KIAA0319L: variants seen among roughly 807,000 people sequenced by gnomAD.
KIAA0319L encodes dyslexia-associated protein KIAA0319-like protein.
A neutral mutation model predicts 120.1 loss-of-function variants in KIAA0319L; 55 were observed. The ratio of observed to expected loss-of-function variants is 0.46; its 90% CI spans 0.37 to 0.57. The LOEUF (loss-of-function observed/expected upper bound fraction) is 0.57, where lower values mean the gene tolerates loss of function less well. Ranked by LOEUF, KIAA0319L falls within the 20% of genes least tolerant of loss-of-function variation. KIAA0319L has a pLI of 0.00. For synonymous variants in KIAA0319L, 398 were observed against 471.9 expected, an observed-to-expected ratio of 0.84 and a Z score of 2.03; for missense variants, 1,049 against 1,255.3, an observed-to-expected ratio of 0.84 and a Z score of 2.48.
chr1:35,528,785 G>A (rs901649273), intron 2 of KIAA0319L, among the ~76,000 whole-genome samples: 2 of 152,162 alleles, frequency 1.3e-5, no homozygotes, highest in East Asian at 1.9e-4. Flanking sequence ...GTGAACTGGT[G>A]TTGGGTGTAT....
intron 2 of KIAA0319L, among the ~76,000 whole-genome samples, chr1:35,521,619 G>A (rs1256081467): frequency 6.6e-6 from 1 of 151,072 alleles, no homozygotes; most frequent in African/African-American, 2.4e-5. Flanking sequence ...GGGTGACGGA[G>A]AGAGACTCCG....
chr1:35,475,598 C>T (rs1643877138), intron 4 of KIAA0319L, among the ~76,000 whole-genome samples: 2 of 152,146 alleles, frequency 1.3e-5, no homozygotes, highest in African/African-American at 4.8e-5. Flanking sequence ...ACCTCAACCT[C>T]CCAAGTAGCT....
intron 3 of KIAA0319L, among the ~76,000 whole-genome samples, chr1:35,483,421 G>A (rs1168551516): frequency 6.6e-6 from 1 of 152,116 alleles, no homozygotes; most frequent in Admixed American, 6.5e-5. Context: ...TTTTCCTCTA[G>A]AGGTAAGGGT....
At chr1:35,511,963 T>C (rs1459520701) in intron 2 of KIAA0319L, among the ~76,000 whole-genome samples, 1 of 152,054 alleles carries the variant, frequency 6.6e-6, no homozygotes, top group East Asian at 1.9e-4. Context: ...TGTCCACATA[T>C]ATTACCTGGA....
intron 7 of KIAA0319L, among the ~76,000 whole-genome samples, chr1:35,463,899 T>C (rs1054872300): frequency 2.0e-5 from 3 of 152,158 alleles, no homozygotes; most frequent in African/African-American, 7.2e-5. Flanking sequence ...GATCTGATGG[T>C]GTTAAAAACA....
rs1011109622 is a variant in KIAA0319L at position 35,433,606 on chromosome 1, A to G, written c.*1288T>C. The G allele has an allele frequency of 6.6e-6, 1 of 152,346 alleles. No homozygotes were observed. The highest frequency in any genetic ancestry group is 2.4e-5 in the African/African-American group (1 of 41,468). The allele number at this position is 152,346 out of a possible 1,614,324, so 9.4% of individuals were successfully genotyped here. A position where few individuals can be genotyped will look rare whatever the true frequency, so the allele number is the denominator to read the frequency against. Reference sequence around the variant, plus strand: ...AAAGTTTCCATTCCCCAATACCCAGATAACCATGGTGGAACAGGGCCAGGG... The same window carrying G: ...AAAGTTTCCATTCCCCAATACCCAGGTAACCATGGTGGAACAGGGCCAGGG... On this transcript the variant is annotated 3_prime_UTR_variant, in exon 21 of 21. Coordinates refer to ENST00000325722, the MANE Select transcript of KIAA0319L (RefSeq NM_024874.5).
chr1:35,516,544 C>A (rs1012425581), intron 2 of KIAA0319L, among the ~76,000 whole-genome samples: 1 of 152,174 alleles, frequency 6.6e-6, no homozygotes, highest in Non-Finnish European at 1.5e-5. Flanking sequence ...ATTGAAGGAA[C>A]ATACCTCAAA....
At chr1:35,457,407 C>T (rs1642555234) in intron 9 of KIAA0319L, among the ~76,000 whole-genome samples, 1 of 151,320 alleles carries the variant, frequency 6.6e-6, no homozygotes, top group East Asian at 1.9e-4. Flanking sequence ...ACCAGGAGGG[C>T]TGGCTCCAGT....
chr1:35,479,285 T>C (rs7545232), intron 3 of KIAA0319L, 73 bp from the exon 4 acceptor site: 99,101 of 1,252,682 alleles, frequency 0.079, 14,234 homozygotes, highest in East Asian at 0.56. Context: ...CATGAAACAA[T>C]AGTCTATTAA....
chr1:35,543,619 C>T (rs1391750490), intron 2 of KIAA0319L, among the ~76,000 whole-genome samples: 1 of 152,196 alleles, frequency 6.6e-6, no homozygotes, highest in African/African-American at 2.4e-5. Flanking sequence ...CTACAGCCCT[C>T]AAAGTAAGGG....
Position 35,450,358 on chromosome 1 carries a change from C to G in KIAA0319L, c.2214G>C (p.Gly738=). 6.2e-7 allele frequency: 1 copy of G among 1,612,664 alleles called. No homozygotes were observed. Among genetic ancestry groups the G allele is most frequent in the Non-Finnish European group, 8.5e-7 (1 of 1,179,308 alleles). ...WTRDEGSPAA[G]EVLNHSDHHP... is the part of the protein sequence containing the mutation. The stretch of plus-strand genomic sequence containing the variant: ...GCTCTCCAGCTCCTAGCACACTTAC[C>G]CCTGCTGCTGGGCTCCCCTCATCTC... The change falls in exon 14 of 21, where the codon GGG becomes GGC. Residue 738 remains glycine, a splice_region_variant and synonymous_variant. Transcript: ENST00000325722.
chr1:35,538,959 G>A (rs927743454), intron 2 of KIAA0319L, among the ~76,000 whole-genome samples: 4 of 151,758 alleles, frequency 2.6e-5, no homozygotes, highest in Admixed American at 6.6e-5. Flanking sequence ...GGAAACTGGC[G>A]TTTCCTTATC....
At chr1:35,549,326 A>G (rs1354063458) in intron 2 of KIAA0319L, among the ~76,000 whole-genome samples, 2 of 152,084 alleles carry the variant, frequency 1.3e-5, no homozygotes, top group African/African-American at 4.8e-5. Context: ...AGGATAAGCC[A>G]ATGCACCTGG....
intron 4 of KIAA0319L, among the ~76,000 whole-genome samples, chr1:35,476,489 C>T (rs891813317): frequency 6.6e-6 from 1 of 152,160 alleles, no homozygotes; most frequent in Non-Finnish European, 1.5e-5. Context: ...TGAGATTTAT[C>T]CGCCTCTGCA....
At chr1:35,517,855 G>A (rs1209739612) in intron 2 of KIAA0319L, among the ~76,000 whole-genome samples, 1 of 152,156 alleles carries the variant, frequency 6.6e-6, no homozygotes, top group Admixed American at 6.5e-5. Context: ...CATTTATAAG[G>A]AAGCTAAACA....
chr1:35,548,135 A>T (rs1398081951), intron 2 of KIAA0319L, among the ~76,000 whole-genome samples: 1 of 151,674 alleles, frequency 6.6e-6, no homozygotes, highest in Non-Finnish European at 1.5e-5. Context: ...AAAAAAAAAA[A>T]CTTCCTCTAA....
intron 2 of KIAA0319L, among the ~76,000 whole-genome samples, chr1:35,539,450 G>A (rs983439796): frequency 6.6e-6 from 1 of 152,222 alleles, no homozygotes; most frequent in Admixed American, 6.5e-5. Context: ...AGTCCATTGT[G>A]AGAAATGTCA....
chr1:35,528,530 G>A (rs901786687), intron 2 of KIAA0319L, among the ~76,000 whole-genome samples: 1 of 152,176 alleles, frequency 6.6e-6, no homozygotes, highest in Non-Finnish European at 1.5e-5. Context: ...AGGTTTCGTG[G>A]TCTGACATAT....
chr1:35,502,421 G>A (rs1488151287), intron 3 of KIAA0319L, among the ~76,000 whole-genome samples: 5 of 149,834 alleles, frequency 3.3e-5, no homozygotes, highest in Non-Finnish European at 5.9e-5. Context: ...TATTGCTGCT[G>A]TCATCATCAT....
Sources: allele counts gnomAD v4.1 joint callset (sites outside exome capture counted in the v4.1 genomes callset), GRCh38; gene constraint gnomAD v4.1.1; transcripts MANE v1.5; gene names NCBI Gene and HGNC (gene_info 2026-07-23, HGNC 2026-07-21).